The following NPM1 variants were observed in gnomAD, a reference collection of about 807,000 sequenced individuals.
The protein encoded by NPM1 is nucleophosmin 1, also known as nucleophosmin.
Under a neutral mutation model 44.1 loss-of-function variants are expected in NPM1, and 1 was observed. The observed-to-expected ratio is 0.02, with a 90% CI of 0.01 to 0.11. The LOEUF is 0.11. NPM1 is among the 10% of genes least tolerant of loss of function. NPM1 has a pLI of 1.00. For synonymous variants in NPM1, 126 were observed against 111.8 expected (o/e 1.13, Z -0.80); for missense variants, 197 against 347.8 (o/e 0.57, Z 3.45).
chr5:171,389,086 A>G (rs1298716591), intron 1 of NPM1, among the ~76,000 whole-genome samples: 1 of 152,192 alleles, frequency 6.6e-6, no homozygotes, highest in Non-Finnish European at 1.5e-5. Context: ...GAATTTTGGG[A>G]GCACCACCCC....
chr5:171,401,675 C>T (rs1771210587), intron 8 of NPM1, among the ~76,000 whole-genome samples: 1 of 152,176 alleles, frequency 6.6e-6, no homozygotes. Flanking sequence ...CCCCTGACTG[C>T]AGGTGATCCG....
chr5:171,406,175 CTA>C (rs1376871862), intron 9 of NPM1, among the ~76,000 whole-genome samples: 1 of 152,196 alleles, frequency 6.6e-6, no homozygotes. Flanking sequence ...TTCTTGTAAT[CTA>C]TAGATTTTTC....
At position 171,392,902 on chromosome 5, in the gene NPM1, T is replaced by C; in HGVS notation, c.460-12T>C. The stretch of plus-strand genomic sequence containing the variant: ...GCTCTTGTTCATGAGTACGTATCTT[T>C]TCTTTTAAAAGAAAAAAGTAAAACT... On this transcript the variant is annotated splice_polypyrimidine_tract_variant and intron_variant, in intron 5 of 10. Coordinates refer to ENST00000296930, the MANE Select transcript of NPM1 (RefSeq NM_002520.7). 6.2e-7 allele frequency: 1 copy of C among 1,612,480 alleles called. No homozygotes were observed. Among genetic ancestry groups the C allele is most frequent in the Non-Finnish European group, 8.5e-7 (1 of 1,178,562 alleles).
intron 4 of NPM1, among the ~76,000 whole-genome samples, chr5:171,392,494 G>A (rs575335032): frequency 6.6e-6 from 1 of 152,116 alleles, no homozygotes; most frequent in African/African-American, 2.4e-5. Flanking sequence ...ACAGGCATGA[G>A]CCACCCTCCC....
intron 8 of NPM1, among the ~76,000 whole-genome samples, chr5:171,405,094 T>C (rs1321950949): frequency 6.6e-6 from 1 of 152,196 alleles, no homozygotes; most frequent in Non-Finnish European, 1.5e-5. Flanking sequence ...TGCACCACCA[T>C]GCCTAGCTAA....
intron 10 of NPM1, among the ~76,000 whole-genome samples, chr5:171,408,082 C>T (rs1380347097): frequency 6.6e-6 from 1 of 150,410 alleles, no homozygotes; most frequent in Non-Finnish European, 1.5e-5. Flanking sequence ...CTGTGGTTTT[C>T]CTTGCTGTTC....
intron 4 of NPM1, among the ~76,000 whole-genome samples, chr5:171,392,077 C>A (rs1247250064): frequency 6.6e-6 from 1 of 152,044 alleles, no homozygotes; most frequent in Non-Finnish European, 1.5e-5. Context: ...GTAGCTGGGG[C>A]CACAGACGTG....
At chr5:171,388,383 G>C (rs1190135982) in intron 1 of NPM1, among the ~76,000 whole-genome samples, 1 of 152,230 alleles carries the variant, frequency 6.6e-6, no homozygotes, top group Non-Finnish European at 1.5e-5. Flanking sequence ...CAGGCCCCGG[G>C]TTGGTGGTCC....
intron 6 of NPM1, among the ~76,000 whole-genome samples, chr5:171,393,626 ACTT>A (rs76830520): frequency 0.28 from 42,656 of 152,000 alleles, 6,891 homozygotes; most frequent in East Asian, 0.43. Flanking sequence ...TGCATTGAAT[ACTT>A]TGATTTGGCT....
chr5:171,396,133 G>C (rs1341156362), intron 6 of NPM1, among the ~76,000 whole-genome samples: 1 of 151,858 alleles, frequency 6.6e-6, no homozygotes, highest in Non-Finnish European at 1.5e-5. Flanking sequence ...GCATGTGCCA[G>C]CATGCCAGGC....
intron 6 of NPM1, among the ~76,000 whole-genome samples, chr5:171,397,568 C>A (rs1470728834): frequency 6.6e-6 from 1 of 151,872 alleles, no homozygotes; most frequent in African/African-American, 2.4e-5. Flanking sequence ...GGCCATATAT[C>A]TTTGGAGAAA....
chr5:171,395,033 G>C (rs900174808), intron 6 of NPM1, among the ~76,000 whole-genome samples: 1 of 152,096 alleles, frequency 6.6e-6, no homozygotes, highest in Non-Finnish European at 1.5e-5. Context: ...ACAAAAATTA[G>C]CTGGGTATCG....
chr5:171,391,513 T>G, intron 3 of NPM1, 89 bp downstream of exon 3: 1 of 1,513,668 alleles, frequency 6.6e-7, no homozygotes, highest in East Asian at 2.3e-5. Flanking sequence ...GCCAAGGAGA[T>G]AGAAAGTGGT....
At chr5:171,387,672 G>A, upstream of NPM1, 2 of 485,380 alleles carry the variant, frequency 4.1e-6, no homozygotes, top group East Asian at 3.6e-5. Flanking sequence ...GTGGGAGCCC[G>A]CGGAGTACCT....
At chr5:171,395,450 C>A (rs1770831393) in intron 6 of NPM1, among the ~76,000 whole-genome samples, 1 of 152,086 alleles carries the variant, frequency 6.6e-6, no homozygotes, top group East Asian at 1.9e-4. Context: ...CAGGCACTTG[C>A]CACCACGCCT....
intron 8 of NPM1, among the ~76,000 whole-genome samples, chr5:171,402,195 CA>C (rs1233691411): frequency 1.3e-5 from 2 of 149,574 alleles, no homozygotes; most frequent in Non-Finnish European, 3.0e-5. Flanking sequence ...AAAAAGTGGG[CA>C]AAGGACATAA....
At chr5:171,390,485 G>T (rs1463008663) in intron 2 of NPM1, among the ~76,000 whole-genome samples, 1 of 152,182 alleles carries the variant, frequency 6.6e-6, no homozygotes, top group African/African-American at 2.4e-5. Context: ...TATATTGTGT[G>T]TATGCATATT....
chr5:171,410,378 A>G (rs1043908396), intron 10 of NPM1, 149 bp from the exon 11 acceptor site: 2 of 479,164 alleles, frequency 4.2e-6, no homozygotes, highest in Non-Finnish European at 7.3e-6. Context: ...CTGAGTATAA[A>G]TTTTCTTGGA....
At chr5:171,398,038 G>A (rs979994054) in intron 6 of NPM1, among the ~76,000 whole-genome samples, 16 of 151,862 alleles carry the variant, frequency 1.1e-4, no homozygotes, top group African/African-American at 3.1e-4. Flanking sequence ...GGCCCGCCTC[G>A]GCCTCCCACA....
Sources: allele counts gnomAD v4.1 joint callset (sites outside exome capture counted in the v4.1 genomes callset), GRCh38; gene constraint gnomAD v4.1.1; transcripts MANE v1.5; gene names NCBI Gene and HGNC (gene_info 2026-07-23, HGNC 2026-07-21).